The following MTMR2 variants were observed in gnomAD, a reference collection of about 807,000 sequenced individuals.
MTMR2 encodes the protein myotubularin related protein 2, also known as phosphatidylinositol-3,5-bisphosphate 3-phosphatase MTMR2.
A neutral mutation model predicts 86.9 loss-of-function variants in MTMR2; 55 were observed. The ratio of observed to expected loss-of-function variants is 0.63; its 90% confidence interval spans 0.51 to 0.79. MTMR2 has a LOEUF of 0.79. Among genes scored for constraint, MTMR2 ranks in the 30% least tolerant of loss-of-function variants. The probability of loss-of-function intolerance (pLI) is 0.00; values close to 1 mark genes in which losing one functional copy is unlikely to be tolerated. For synonymous variants in MTMR2, 241 were observed against 266.8 expected (o/e 0.90, Z 0.94); for missense variants, 659 against 772.3 (o/e 0.85, Z 1.74).
intron 2 of MTMR2, among the ~76,000 whole-genome samples, chr11:95,874,286 A>G (rs958211826): frequency 2.3e-4 from 35 of 152,108 alleles, no homozygotes; most frequent in Admixed American, 1.6e-3. Flanking sequence ...CTCCTGTATT[A>G]GGTGCATATA....
intron 2 of MTMR2, among the ~76,000 whole-genome samples, chr11:95,873,285 G>T (rs1042346659): frequency 1.5e-4 from 23 of 152,108 alleles, no homozygotes; most frequent in Non-Finnish European, 3.2e-4. Context: ...CAATTTCAGA[G>T]CCTGTTATTG....
chr11:95,873,756 A>T (rs1340639965), intron 2 of MTMR2, among the ~76,000 whole-genome samples: 2 of 152,110 alleles, frequency 1.3e-5, no homozygotes, highest in East Asian at 3.9e-4. Context: ...CCCTCTACAC[A>T]CTGCTTTGAA....
chr11:95,849,636 AT>A, intron 9 of MTMR2, 37 bp downstream of exon 9: 1 of 1,577,792 alleles, frequency 6.3e-7, no homozygotes, highest in Non-Finnish European at 8.7e-7. Context: ...CAGCTGATTC[AT>A]GAAACCATAA....
chr11:95,888,392 A>C (rs1865589890), intron 1 of MTMR2, 131 bp from the exon 2 acceptor site: 1 of 677,880 alleles, frequency 1.5e-6, no homozygotes, highest in Admixed American at 2.3e-5. Context: ...TTGCCTATTC[A>C]ATCTTATCTC....
chr11:95,852,518 T>C (rs1261647571), intron 7 of MTMR2, among the ~76,000 whole-genome samples: 1 of 152,214 alleles, frequency 6.6e-6, no homozygotes, highest in Non-Finnish European at 1.5e-5. Flanking sequence ...AACTGTTCTT[T>C]CATTACTACC....
chr11:95,912,656 A>C (rs1351158411), intron 1 of MTMR2, among the ~76,000 whole-genome samples: 1 of 151,882 alleles, frequency 6.6e-6, no homozygotes, highest in Non-Finnish European at 1.5e-5. Flanking sequence ...AAACGAATTC[A>C]AACTCTTATA....
At chr11:95,888,780 A>G (rs1030789074) in intron 1 of MTMR2, among the ~76,000 whole-genome samples, 4 of 152,158 alleles carry the variant, frequency 2.6e-5, no homozygotes, top group African/African-American at 4.8e-5. Context: ...GGGAGAAAAG[A>G]AAAGGAAGCA....
intron 2 of MTMR2, among the ~76,000 whole-genome samples, chr11:95,874,058 G>A (rs1393715493): frequency 6.6e-6 from 1 of 152,138 alleles, no homozygotes; most frequent in African/African-American, 2.4e-5. Flanking sequence ...GTGCTGAAAA[G>A]AATGTATATT....
chr11:95,871,980 A>T (rs1475036507), intron 2 of MTMR2, among the ~76,000 whole-genome samples: 1 of 152,206 alleles, frequency 6.6e-6, no homozygotes, highest in Non-Finnish European at 1.5e-5. Flanking sequence ...AGCACTGTTT[A>T]TTAAATAGGG....
At chr11:95,873,330 C>T (rs1348300710) in intron 2 of MTMR2, among the ~76,000 whole-genome samples, 3 of 152,188 alleles carry the variant, frequency 2.0e-5, no homozygotes, top group South Asian at 4.2e-4. Flanking sequence ...CCTGGTTTAG[C>T]CTTGGGAGAG....
At chr11:95,854,356 T>C (rs941100349) in intron 7 of MTMR2, among the ~76,000 whole-genome samples, 1 of 152,198 alleles carries the variant, frequency 6.6e-6, no homozygotes, top group Non-Finnish European at 1.5e-5. Flanking sequence ...TACATTCCAG[T>C]TCTAAGGATA....
Position 95,923,993 on chromosome 11 carries a change from C to G in MTMR2, c.-39G>C. On this transcript the variant is annotated 5_prime_UTR_variant, in exon 1 of 15. Coordinates refer to ENST00000346299, the MANE Select transcript of MTMR2 (RefSeq NM_016156.6). ...CAGCACAGGGAAAGGCTGAAGCAGT[C>G]TTCGCGGCTACAGGGCGGGAGAAGC... 2 of 1,550,886 alleles carry G rather than the reference C, an allele frequency of 1.3e-6. No individual in the cohort carries two copies. Among genetic ancestry groups the G allele is most frequent in the Non-Finnish European group, 1.7e-6 (2 of 1,146,842 alleles).
chr11:95,906,588 C>T (rs1866285089), intron 1 of MTMR2, among the ~76,000 whole-genome samples: 1 of 152,104 alleles, frequency 6.6e-6, no homozygotes, highest in Non-Finnish European at 1.5e-5. Context: ...AAACAACATT[C>T]TTCTCATATG....
chr11:95,855,864 G>A (rs1590990572), intron 7 of MTMR2, among the ~76,000 whole-genome samples: 1 of 152,190 alleles, frequency 6.6e-6, no homozygotes, highest in Admixed American at 6.5e-5. Context: ...GAGTGTGAGA[G>A]TAAGAACTAG....
intron 7 of MTMR2, among the ~76,000 whole-genome samples, chr11:95,851,426 C>T (rs1160697976): frequency 3.9e-5 from 6 of 151,918 alleles, no homozygotes; most frequent in African/African-American, 1.2e-4. Context: ...TGCAATGGCG[C>T]GATCTTGGCT....
rs553984359 is a variant in MTMR2, at chr11:95,891,074, G to A, written c.81-2813C>T. On this transcript the variant is annotated intron_variant, in intron 1 of 14. Coordinates refer to ENST00000346299, the MANE Select transcript of MTMR2 (RefSeq NM_016156.6). ...GGGAGAAAAACTCTTAAAGGCAATT[G>A]AATATAACTTGAAATTATGGAGAGT... Among the ~76,000 whole-genome samples, 12 of 152,250 alleles carry A rather than the reference G, an allele frequency of 7.9e-5. No homozygotes were observed. The South Asian group carries it at 2.5e-3, about 32-fold the overall frequency.
rs148645222 is a variant in MTMR2, at chr11:95,876,269, A to G, written c.187-10593T>C. 3.4e-4 allele frequency among the ~76,000 whole-genome samples: 51 copies of G among 152,148 alleles called. No individual in the cohort carries two copies. The East Asian group carries it at 9.7e-3, about 29-fold the overall frequency. On this transcript the variant is annotated intron_variant, in intron 2 of 14. Coordinates refer to ENST00000346299, the MANE Select transcript of MTMR2 (RefSeq NM_016156.6). Reference sequence around the variant, plus strand: ...CCACCCAGTTTGAGCTTCCGAACCTATCTTCTTAAAATGGTGGTTGGGAAC... The same window carrying G: ...CCACCCAGTTTGAGCTTCCGAACCTGTCTTCTTAAAATGGTGGTTGGGAAC...
chr11:95,844,695 A>G (rs916617025), intron 11 of MTMR2, among the ~76,000 whole-genome samples: 4 of 152,310 alleles, frequency 2.6e-5, no homozygotes, highest in African/African-American at 9.6e-5. Context: ...ACACCCGTGG[A>G]CATCACTGAA....
intron 11 of MTMR2, among the ~76,000 whole-genome samples, chr11:95,844,373 C>T (rs1267910029): frequency 1.3e-5 from 2 of 152,142 alleles, no homozygotes; most frequent in Non-Finnish European, 1.5e-5. Flanking sequence ...TTGAACAACA[C>T]GGTTAGAACT....
Sources: allele counts gnomAD v4.1 joint callset (sites outside exome capture counted in the v4.1 genomes callset), GRCh38; gene constraint gnomAD v4.1.1; transcripts MANE v1.5; gene names NCBI Gene and HGNC (gene_info 2026-07-23, HGNC 2026-07-21).